TVP23A: variants seen among roughly 807,000 people sequenced by gnomAD.
TVP23A encodes trans-golgi network vesicle protein 23 homolog A, also known as Golgi apparatus membrane protein TVP23 homolog A.
Under a neutral mutation model 31.7 loss-of-function variants are expected in TVP23A, and 21 were observed. That is an observed-to-expected ratio of 0.66 (90% confidence interval 0.47 to 0.95). The LOEUF is 0.95. Among genes scored for constraint, TVP23A ranks in the 40% least tolerant of loss-of-function variants. The pLI is 0.00. For missense variants in TVP23A, 279 were observed against 255.6 expected, an observed-to-expected ratio of 1.09 and a Z score of -0.62; for synonymous variants, 104 against 96.0, an observed-to-expected ratio of 1.08 and a Z score of -0.49.
rs1024984363 is a variant in TVP23A at position 10,768,951 on chromosome 16, C to T, written c.*151G>A. On this transcript the variant is annotated 3_prime_UTR_variant, in exon 8 of 8. Coordinates refer to ENST00000299866, the MANE Select transcript of TVP23A (RefSeq NM_001079512.4). The surrounding 1 kb of genome is among the most constrained non-coding windows in gnomAD (Gnocchi z 4.3). ...TTTTATGGAACTAGCCAGAGGATTCCACCCCTGTCAAAACACAGCCCTCCC... is the reference window on the plus strand; with the variant it reads ...TTTTATGGAACTAGCCAGAGGATTCTACCCCTGTCAAAACACAGCCCTCCC... 2.3e-5 allele frequency: 25 copies of T among 1,077,308 alleles called. No individual in the cohort carries two copies. Among genetic ancestry groups the T allele is most frequent in the Non-Finnish European group, 3.4e-5 (24 of 705,172 alleles). The allele number at this position is 1,077,308 out of a possible 1,614,324, so 66.7% of individuals were successfully genotyped here.
chr16:10,769,187 G>A (rs1439380316), intron 7 of TVP23A, 86 bp from the exon 8 acceptor site: 31 of 1,267,528 alleles, frequency 2.4e-5, no homozygotes, highest in Admixed American at 3.5e-5. Flanking sequence ...GACCAGCTCC[G>A]GGATGGGGTG....
chr16:10,773,494 G>C (rs745994858), intron 4 of TVP23A, 53 bp from the exon 5 acceptor site: 50 of 1,535,236 alleles, frequency 3.3e-5, no homozygotes, highest in Non-Finnish European at 4.3e-5. Flanking sequence ...GGTTGCAAAC[G>C]AGCGTGCTCA....
At position 10,766,740 on chromosome 16, in the gene TVP23A, G is replaced by C; in HGVS notation, c.*2362C>G. The C allele has an allele frequency of 2.5e-6, 1 of 394,368 alleles. No individual in the cohort carries two copies. 24.4% of individuals were successfully genotyped at this position (394,368 alleles called of 1,614,324 possible). ...ACTCCACGGTGTGGGAGGAGAACGG[G>C]CCTGAGAATAGGGGCTCAAAGGCCC... On this transcript the variant is annotated 3_prime_UTR_variant, in exon 8 of 8. Coordinates refer to ENST00000299866, the MANE Select transcript of TVP23A (RefSeq NM_001079512.4). This position sits in a 1 kb window ranked among gnomAD's most constrained non-coding sequence, Gnocchi z 4.8.
intron 5 of TVP23A, among the ~76,000 whole-genome samples, chr16:10,772,299 C>G (rs1196090999): frequency 7.2e-5 from 11 of 152,168 alleles, no homozygotes; most frequent in Admixed American, 5.9e-4. Flanking sequence ...GAGCCGGGAT[C>G]CAAATTCCAG....
intron 2 of TVP23A, among the ~76,000 whole-genome samples, chr16:10,809,428 G>A (rs546773069): frequency 6.6e-6 from 1 of 152,348 alleles, no homozygotes; most frequent in South Asian, 2.1e-4. Flanking sequence ...AGCAGGCCTT[G>A]GGTCTGGGTA....
chr16:10,761,873 G>C (rs1289967275), downstream of TVP23A: 2 of 1,602,740 alleles, frequency 1.2e-6, no homozygotes, highest in Non-Finnish European at 1.7e-6. Flanking sequence ...GGTGACCCCA[G>C]TGTGGGGCGG....
At chr16:10,814,763 G>A (rs2034361086) in intron 2 of TVP23A, among the ~76,000 whole-genome samples, 1 of 152,162 alleles carries the variant, frequency 6.6e-6, no homozygotes, top group African/African-American at 2.4e-5. Context: ...AATCACCACA[G>A]GTGGCTGAGG....
intron 2 of TVP23A, among the ~76,000 whole-genome samples, chr16:10,797,552 C>CAAAA (rs34439062): frequency 8.7e-5 from 12 of 138,352 alleles, no homozygotes; most frequent in African/African-American, 1.8e-4. Context: ...AACTTCATCT[C>CAAAA]AAAAAAAAAA....
intron 2 of TVP23A, among the ~76,000 whole-genome samples, chr16:10,785,972 C>T (rs71381180): frequency 1.3e-5 from 2 of 152,120 alleles, no homozygotes; most frequent in African/African-American, 4.8e-5. Flanking sequence ...ATGATGAAAC[C>T]CCGTCTCTAC....
downstream of TVP23A, among the ~76,000 whole-genome samples, chr16:10,764,174 C>T (rs2030481038): frequency 6.6e-6 from 1 of 152,248 alleles, no homozygotes. Context: ...GTATCTCAGC[C>T]CACGGGAGCA....
downstream of TVP23A, among the ~76,000 whole-genome samples, chr16:10,762,358 C>T (rs991316379): frequency 1.3e-5 from 2 of 152,218 alleles, no homozygotes; most frequent in African/African-American, 4.8e-5. Flanking sequence ...CCAAAAAATG[C>T]TCTTCTTAAG....
chr16:10,815,819 G>A (rs1329511443), intron 2 of TVP23A, among the ~76,000 whole-genome samples: 1 of 152,210 alleles, frequency 6.6e-6, no homozygotes, highest in African/African-American at 2.4e-5. Flanking sequence ...AGATGTTCTA[G>A]AAGATTCTTT....
chr16:10,771,550 A>G, intron 6 of TVP23A, 120 bp downstream of exon 6: 2 of 1,314,730 alleles, frequency 1.5e-6, no homozygotes, highest in Non-Finnish European at 2.1e-6. Context: ...AAATATATAA[A>G]CAATAAAACA....
intron 2 of TVP23A, among the ~76,000 whole-genome samples, chr16:10,798,346 A>C (rs907495409): frequency 1.3e-5 from 2 of 152,134 alleles, no homozygotes; most frequent in Non-Finnish European, 2.9e-5. Flanking sequence ...TTGAGCAAGT[A>C]AGTCAACATT....
chr16:10,773,894 A>C, intron 4 of TVP23A, 145 bp downstream of exon 4: 1 of 664,594 alleles, frequency 1.5e-6, no homozygotes, highest in Admixed American at 2.9e-5. Flanking sequence ...CTTTTGCCAC[A>C]CCCATGTTTC....
intron 2 of TVP23A, among the ~76,000 whole-genome samples, chr16:10,781,452 T>C (rs536332422): frequency 6.6e-6 from 1 of 152,298 alleles, no homozygotes; most frequent in Non-Finnish European, 1.5e-5. Flanking sequence ...TGTTCAACTT[T>C]CCTCTCTTTC....
chr16:10,774,390 C>T (rs576551938), intron 3 of TVP23A, among the ~76,000 whole-genome samples: 2 of 152,106 alleles, frequency 1.3e-5, no homozygotes, highest in South Asian at 2.1e-4. Flanking sequence ...TGTATTAATT[C>T]GTATACAAGT....
chr16:10,776,099 G>T (rs1281682651), intron 2 of TVP23A, among the ~76,000 whole-genome samples: 1 of 151,630 alleles, frequency 6.6e-6, no homozygotes, highest in Non-Finnish European at 1.5e-5. Flanking sequence ...TATAGGCCAG[G>T]CACGGTGGCT....
At chr16:10,773,811 T>G (rs759195171) in intron 4 of TVP23A, among the ~76,000 whole-genome samples, 5 of 152,192 alleles carry the variant, frequency 3.3e-5, no homozygotes, top group Admixed American at 6.5e-5. Context: ...CCTCAAGTGA[T>G]CCACCCACCT....
Sources: gnomAD v4.1 joint callset for allele counts (sites outside exome capture counted in the v4.1 genomes callset) on GRCh38, gnomAD v4.1.1 for gene constraint, Gnocchi (gnomAD v3.1) non-coding constraint, MANE v1.5 for transcripts, NCBI Gene and HGNC (gene_info 2026-07-23, HGNC 2026-07-21) for gene names.